NTM: variants seen among roughly 807,000 people sequenced by gnomAD.
NTM encodes the protein neurotrimin.
Under a neutral mutation model 42.1 loss-of-function variants are expected in NTM, and 13 were observed. The ratio of observed to expected loss-of-function variants is 0.31; its 90% CI spans 0.20 to 0.49. The LOEUF is 0.49. Ranked by LOEUF, NTM falls within the 20% of genes least tolerant of loss-of-function variation. The pLI, the probability that NTM is intolerant of heterozygous loss-of-function variation, is 0.99. For synonymous variants in NTM, 187 were observed against 179.2 expected (o/e 1.04, Z -0.35); for missense variants, 373 against 452.8 (o/e 0.82, Z 1.60).
chr11:132,163,782 C>T (rs891905760), intron 3 of NTM, among the ~76,000 whole-genome samples: 1 of 152,264 alleles, frequency 6.6e-6, no homozygotes, highest in South Asian at 2.1e-4. Context: ...CAGTGATTCT[C>T]AGCTCTGCTG....
intron 1 of NTM, among the ~76,000 whole-genome samples, chr11:131,890,584 G>T (rs2051170843): frequency 6.6e-6 from 1 of 152,168 alleles, no homozygotes; most frequent in African/African-American, 2.4e-5. Flanking sequence ...ATTAGTGCTA[G>T]ATTGATTTTC....
chr11:131,817,037 CT>C (rs2092981389), intron 1 of NTM, among the ~76,000 whole-genome samples: 1 of 152,134 alleles, frequency 6.6e-6, no homozygotes, highest in African/African-American at 2.4e-5. Context: ...ATTTCTGATT[CT>C]GGCCACATGT....
chr11:132,284,995 A>T (rs2094170928), intron 4 of NTM: 1 of 152,464 alleles, frequency 6.6e-6, no homozygotes, highest in Admixed American at 6.5e-5. Context: ...GAGCAGGAGC[A>T]GGAAGGGTCA....
At chr11:132,101,666 C>T (rs1183898554) in intron 2 of NTM, among the ~76,000 whole-genome samples, 2 of 152,092 alleles carry the variant, frequency 1.3e-5, no homozygotes, top group Non-Finnish European at 2.9e-5. Context: ...TCTTATTTCT[C>T]ACCGAGCTCT....
chr11:131,491,836 C>T (rs957318678), intron 1 of NTM, among the ~76,000 whole-genome samples: 15 of 152,162 alleles, frequency 9.9e-5, no homozygotes, highest in Non-Finnish European at 2.1e-4. Context: ...CCACAGGACA[C>T]GCTCAGATCT....
At chr11:132,286,387 C>T (rs2094231084) in intron 4 of NTM, among the ~76,000 whole-genome samples, 1 of 152,054 alleles carries the variant, frequency 6.6e-6, no homozygotes, top group African/African-American at 2.4e-5. Context: ...GTGTTTCTGG[C>T]CCTTTCTTGG....
intron 1 of NTM, among the ~76,000 whole-genome samples, chr11:131,460,199 A>G (rs897544564): frequency 1.3e-5 from 2 of 152,210 alleles, no homozygotes; most frequent in African/African-American, 4.8e-5. Flanking sequence ...TGAATAGACT[A>G]GGTCATGTCT....
At chr11:131,752,281 T>C (rs2082657885) in intron 1 of NTM, among the ~76,000 whole-genome samples, 1 of 152,042 alleles carries the variant, frequency 6.6e-6, no homozygotes. Context: ...AAAAGACACA[T>C]GAAAAAATGC....
chr11:132,095,466 T>C (rs942186229), intron 2 of NTM, among the ~76,000 whole-genome samples: 2 of 152,056 alleles, frequency 1.3e-5, no homozygotes, highest in African/African-American at 4.8e-5. Context: ...CTGTAAGTGG[T>C]GTCTTAACCA....
intron 2 of NTM, among the ~76,000 whole-genome samples, chr11:132,045,796 G>A (rs1373267532): frequency 6.6e-6 from 1 of 152,120 alleles, no homozygotes; most frequent in Non-Finnish European, 1.5e-5. Flanking sequence ...ATATGTCGGT[G>A]TTCCTGGCTG....
rs113738784 is a variant in NTM, at chr11:131,789,755, G to C, written c.83-121809G>C. 4.0e-3 allele frequency among the ~76,000 whole-genome samples: 605 copies of C among 149,984 alleles called. 9 individuals carry two copies. The highest frequency in any genetic ancestry group is 0.015 in the African/African-American group (589 of 40,406). ...GCGGATCACGAGGTCAGGAGATCAAGACCATCCTGGCTAACACGGTGAAAC... is the reference window on the plus strand; with the variant it reads ...GCGGATCACGAGGTCAGGAGATCAACACCATCCTGGCTAACACGGTGAAAC... On this transcript the variant is annotated intron_variant, in intron 1 of 8. Transcript: ENST00000683400.
intron 1 of NTM, among the ~76,000 whole-genome samples, chr11:131,428,880 CAAAAAAAAA>C (rs35312475): frequency 3.3e-4 from 28 of 83,990 alleles, no homozygotes; most frequent in Admixed American, 1.2e-3. Context: ...ACTAAAAATA[CAAAAAAAAA>C]AAAAAAAAAA....
intron 4 of NTM, 141 bp downstream of exon 4, chr11:132,212,288 GC>G: frequency 1.5e-6 from 1 of 649,336 alleles, no homozygotes; most frequent in Admixed American, 2.6e-5. Flanking sequence ...TCATGGCTCT[GC>G]AGAGAACGTT....
chr11:131,883,117 G>T (rs776557669), intron 1 of NTM, among the ~76,000 whole-genome samples: 1 of 152,108 alleles, frequency 6.6e-6, no homozygotes, highest in Non-Finnish European at 1.5e-5. Context: ...GACTCAAACC[G>T]TCCCCATGAA....
At chr11:131,994,932 C>G (rs2135174408) in intron 2 of NTM, among the ~76,000 whole-genome samples, 1 of 152,272 alleles carries the variant, frequency 6.6e-6, no homozygotes, top group South Asian at 2.1e-4. Flanking sequence ...TCCTCCCCCT[C>G]TCTTATTCCT....
chr11:132,294,304 A>G (rs558975701), intron 4 of NTM, among the ~76,000 whole-genome samples: 16 of 151,444 alleles, frequency 1.1e-4, no homozygotes, highest in South Asian at 2.1e-4. Flanking sequence ...CCCTCCCCTC[A>G]TTCCTTCATC....
In NTM at chr11:131,911,619, G is replaced by C. The variant is rs1391055220; in HGVS notation, c.138G>C (p.Thr46=). The change falls in exon 2 of 9, where the codon ACG becomes ACC. Residue 46 remains threonine, a synonymous_variant. Transcript: ENST00000683400. ...ATFPKAMDNV[T]VRQGESATLR... The stretch of plus-strand genomic sequence containing the variant: ...TCCCCAAAGCTATGGACAACGTGAC[G>C]GTCCGGCAGGGGGAGAGCGCCACCC... The C allele has an allele frequency of 1.9e-6, 3 of 1,614,052 alleles. No individual in the cohort carries two copies. The highest frequency in any genetic ancestry group is 2.5e-6 in the Non-Finnish European group (3 of 1,180,020).
rs562763295 is a variant in NTM at position 132,310,004 on chromosome 11, C to G, written c.662-108C>G. 15 of 1,364,508 alleles carry G rather than the reference C, an allele frequency of 1.1e-5. No individual in the cohort carries two copies. In the South Asian group the frequency reaches 2.5e-4, roughly 22 times the overall value. The allele number at this position is 1,364,508 out of a possible 1,614,324, so 84.5% of individuals were successfully genotyped here. On this transcript the variant is annotated intron_variant, in intron 5 of 8. Transcript: ENST00000683400. Reference sequence around the variant, plus strand: ...CCGGGAGGCAGAACGTGCAGTGAGCCAAGATCATGCCACTGCATTCCAGCC... The same window carrying G: ...CCGGGAGGCAGAACGTGCAGTGAGCGAAGATCATGCCACTGCATTCCAGCC...
intron 1 of NTM, among the ~76,000 whole-genome samples, chr11:131,814,301 T>C (rs2092859148): frequency 6.6e-6 from 1 of 152,204 alleles, no homozygotes; most frequent in African/African-American, 2.4e-5. Context: ...GAATGCCTAG[T>C]TTACTTCCCC....
Sources: gnomAD v4.1 joint callset for allele counts (sites outside exome capture counted in the v4.1 genomes callset) on GRCh38, gnomAD v4.1.1 for gene constraint, MANE v1.5 for transcripts, NCBI Gene and HGNC (gene_info 2026-07-23, HGNC 2026-07-21) for gene names.